The following ANO2 variants were observed in gnomAD, a reference collection of about 807,000 sequenced individuals.
The protein encoded by ANO2 is anoctamin 2.
A neutral mutation model predicts 124.2 loss-of-function variants in ANO2; 101 were observed. That is an observed-to-expected ratio of 0.81 (90% CI 0.69 to 0.96). The LOEUF is 0.96. Ranked by LOEUF, ANO2 falls within the 40% of genes least tolerant of loss-of-function variation. The pLI is 0.00. For synonymous variants in ANO2, 486 were observed against 482.5 expected (o/e 1.01, Z -0.09); for missense variants, 1,293 against 1,274.5 (o/e 1.01, Z -0.22).
At chr12:5,625,856 A>G (rs901041189) in intron 16 of ANO2, among the ~76,000 whole-genome samples, 3 of 152,084 alleles carry the variant, frequency 2.0e-5, no homozygotes, top group Admixed American at 6.5e-5. Flanking sequence ...AAGTCAGAAG[A>G]CCTTTCTGTC....
chr12:5,843,096 C>A (rs1269656940), intron 4 of ANO2, among the ~76,000 whole-genome samples: 2 of 152,146 alleles, frequency 1.3e-5, no homozygotes, highest in Non-Finnish European at 2.9e-5. Flanking sequence ...AAAGACCCCA[C>A]CTATAGCCAA....
chr12:5,681,245 G>C (rs996491525), intron 14 of ANO2, among the ~76,000 whole-genome samples: 9 of 152,226 alleles, frequency 5.9e-5, no homozygotes, highest in Non-Finnish European at 1.3e-4. Context: ...TGATTTCAAG[G>C]AAGTCACTTC....
intron 3 of ANO2, among the ~76,000 whole-genome samples, chr12:5,918,954 G>T (rs978973308): frequency 6.6e-6 from 1 of 152,118 alleles, no homozygotes; most frequent in South Asian, 2.1e-4. Context: ...GAGGTTCAGG[G>T]AGGTCACTCA....
At chr12:5,926,900 G>A (rs1942105343) in intron 1 of ANO2, among the ~76,000 whole-genome samples, 1 of 152,194 alleles carries the variant, frequency 6.6e-6, no homozygotes, top group African/African-American at 2.4e-5. Flanking sequence ...TGATTTGGGA[G>A]AAGGTGTCAT....
intron 23 of ANO2, among the ~76,000 whole-genome samples, chr12:5,566,746 T>G (rs1941787290): frequency 6.6e-6 from 1 of 152,160 alleles, no homozygotes; most frequent in Non-Finnish European, 1.5e-5. Context: ...AGGAGGAAAC[T>G]GAGGCTTGGA....
At chr12:5,880,922 A>ATGGATGGATGGATGG (rs1938456986) in intron 3 of ANO2, among the ~76,000 whole-genome samples, 1 of 67,112 alleles carries the variant, frequency 1.5e-5, no homozygotes, top group Admixed American at 1.4e-4. Flanking sequence ...TGGATGGATG[A>ATGGATGGATGGATGG]GTGGATTGAG....
intron 1 of ANO2, among the ~76,000 whole-genome samples, chr12:5,931,226 C>T (rs920183176): frequency 2.0e-4 from 30 of 152,196 alleles, no homozygotes; most frequent in African/African-American, 7.2e-4. Flanking sequence ...ACCACTTCAT[C>T]TCCCAACACT....
chr12:5,735,729 G>C (rs1206571664), intron 13 of ANO2, among the ~76,000 whole-genome samples: 1 of 152,180 alleles, frequency 6.6e-6, no homozygotes, highest in Non-Finnish European at 1.5e-5. Flanking sequence ...CTGTGCAACA[G>C]GAATAACCAG....
chr12:5,696,010 T>C (rs566842224), intron 14 of ANO2, among the ~76,000 whole-genome samples: 45 of 152,030 alleles, frequency 3.0e-4, no homozygotes, highest in African/African-American at 1.1e-3. Flanking sequence ...GGGGAAAAAA[T>C]AGTAAATGAA....
At chr12:5,803,243 C>T (rs1953096872) in intron 9 of ANO2, among the ~76,000 whole-genome samples, 1 of 152,164 alleles carries the variant, frequency 6.6e-6, no homozygotes, top group South Asian at 2.1e-4. Context: ...GCCAGTAACC[C>T]CACCTCTCTA....
At chr12:5,739,115 A>G in intron 13 of ANO2, 1 of 679,680 alleles carries the variant, frequency 1.5e-6, no homozygotes, top group East Asian at 2.8e-5. Flanking sequence ...GCTCAAGGGA[A>G]GAGGGGGTAC....
At chr12:5,732,485 A>G (rs1950681672) in intron 14 of ANO2, 35 bp downstream of exon 14, 1 of 1,562,356 alleles carries the variant, frequency 6.4e-7, no homozygotes, top group African/African-American at 1.4e-5. Context: ...CTCAACAAGT[A>G]AAGAGGACCG....
chr12:5,743,043 T>C (rs1951150173), intron 12 of ANO2, among the ~76,000 whole-genome samples: 1 of 151,976 alleles, frequency 6.6e-6, no homozygotes, highest in African/African-American at 2.4e-5. Flanking sequence ...ATTGGTGGCC[T>C]AGCAATATGG....
At chr12:5,873,457 C>T (rs985472783) in intron 3 of ANO2, among the ~76,000 whole-genome samples, 1 of 152,200 alleles carries the variant, frequency 6.6e-6, no homozygotes, top group African/African-American at 2.4e-5. Flanking sequence ...CTACTACACT[C>T]CAGGACCCGT....
At chr12:5,566,003 C>T (rs1941726805) in intron 23 of ANO2, among the ~76,000 whole-genome samples, 1 of 152,186 alleles carries the variant, frequency 6.6e-6, no homozygotes. Context: ...CCACCTGGGC[C>T]TCCCACTAGC....
At position 5,604,484 on chromosome 12, in the gene ANO2, G is replaced by A. The variant is rs577249802; in HGVS notation, c.2088-4855C>T. Among the ~76,000 whole-genome samples the A allele has an allele frequency of 1.2e-4, 18 of 152,290 alleles. No homozygotes were observed. In the South Asian group the frequency reaches 2.9e-3, roughly 25 times the overall value. On this transcript the variant is annotated intron_variant, in intron 19 of 24. Coordinates refer to ENST00000682330, the MANE Select transcript of ANO2 (RefSeq NM_001364791.2). The stretch of plus-strand genomic sequence containing the variant: ...GAGCAATGCCAACTATGGATAGAGC[G>A]TGCGTCAGAAAAGTTATGGGATGGG...
chr12:5,601,842 C>G (rs1025332844), intron 19 of ANO2, among the ~76,000 whole-genome samples: 3 of 152,190 alleles, frequency 2.0e-5, no homozygotes, highest in African/African-American at 7.2e-5. Context: ...GGAAGACGGA[C>G]AGTGTACGAG....
intron 19 of ANO2, among the ~76,000 whole-genome samples, chr12:5,605,742 G>T (rs1249826900): frequency 6.6e-6 from 1 of 152,148 alleles, no homozygotes; most frequent in Non-Finnish European, 1.5e-5. Flanking sequence ...ACATATATGG[G>T]AAAGGCAAGG....
intron 10 of ANO2, among the ~76,000 whole-genome samples, chr12:5,783,339 T>C (rs1952455949): frequency 6.6e-6 from 1 of 152,186 alleles, no homozygotes; most frequent in Non-Finnish European, 1.5e-5. Flanking sequence ...CAGTTGAAAA[T>C]CTGGTAGGTA....
Sources: gnomAD v4.1 joint callset for allele counts (sites outside exome capture counted in the v4.1 genomes callset) on GRCh38, gnomAD v4.1.1 for gene constraint, MANE v1.5 for transcripts, NCBI Gene and HGNC (gene_info 2026-07-23, HGNC 2026-07-21) for gene names.